The following GOLT1B variants were observed in gnomAD, a reference collection of about 807,000 sequenced individuals.
The protein encoded by GOLT1B is golgi transport 1B.
In GOLT1B, 3 loss-of-function variants were observed where a neutral mutation model predicts 15.4. The ratio of observed to expected loss-of-function variants is 0.19; its 90% CI spans 0.09 to 0.50. The LOEUF (loss-of-function observed/expected upper bound fraction) is 0.50, where lower values mean the gene tolerates loss of function less well. GOLT1B is among the 20% of genes least tolerant of loss of function. The probability of loss-of-function intolerance (pLI) is 0.97; values close to 1 mark genes in which losing one functional copy is unlikely to be tolerated. For synonymous variants in GOLT1B, 65 were observed against 56.2 expected, an observed-to-expected ratio of 1.16 and a Z score of -0.70; for missense variants, 145 against 160.4, an observed-to-expected ratio of 0.90 and a Z score of 0.52.
At position 21,516,207 on chromosome 12, in the gene GOLT1B, T is replaced by G. The variant is rs1468361642; in HGVS notation, c.*500T>G. ...ATTAAAACCAAGGAAACCCCAATTT[T>G]GATGTATGGATTACTTTTTTTTGTA... On this transcript the variant is annotated 3_prime_UTR_variant, in exon 5 of 5. Coordinates refer to ENST00000229314, the MANE Select transcript of GOLT1B (RefSeq NM_016072.5). 2 of 152,320 alleles carry G rather than the reference T, an allele frequency of 1.3e-5. No individual in the cohort carries two copies. Among genetic ancestry groups the G allele is most frequent in the East Asian group, 1.9e-4 (1 of 5,192 alleles). 9.4% of individuals were successfully genotyped at this position (152,320 alleles called of 1,614,324 possible). A position where few individuals can be genotyped will look rare whatever the true frequency, so the allele number is the denominator to read the frequency against.
chr12:21,505,232 A>T (rs986627041), intron 1 of GOLT1B, among the ~76,000 whole-genome samples: 2 of 152,156 alleles, frequency 1.3e-5, no homozygotes, highest in Non-Finnish European at 2.9e-5. Flanking sequence ...CTTCCTTTCT[A>T]AAAACATCTC....
intron 1 of GOLT1B, among the ~76,000 whole-genome samples, chr12:21,503,550 G>A (rs1217524532): frequency 6.6e-6 from 1 of 152,164 alleles, no homozygotes; most frequent in Non-Finnish European, 1.5e-5. Flanking sequence ...TTTGGACTAT[G>A]GGCATTCTCC....
At chr12:21,509,772 A>T (rs1351558931) in intron 3 of GOLT1B, among the ~76,000 whole-genome samples, 1 of 152,248 alleles carries the variant, frequency 6.6e-6, no homozygotes, top group Admixed American at 6.5e-5. Context: ...AACGACAGTT[A>T]ACAGAAGGAA....
At chr12:21,515,158 G>T in intron 4 of GOLT1B, 1 of 709,542 alleles carries the variant, frequency 1.4e-6, no homozygotes, top group Non-Finnish European at 2.4e-6. Context: ...CCAAAGTCCA[G>T]AATACACATT....
chr12:21,510,375 A>G (rs1021296996), intron 3 of GOLT1B, among the ~76,000 whole-genome samples: 1 of 152,204 alleles, frequency 6.6e-6, no homozygotes. Flanking sequence ...TGGCTTTCCC[A>G]GTTATGTGGG....
At chr12:21,509,952 C>T (rs1943708111) in intron 3 of GOLT1B, among the ~76,000 whole-genome samples, 1 of 152,132 alleles carries the variant, frequency 6.6e-6, no homozygotes, top group Non-Finnish European at 1.5e-5. Flanking sequence ...ATACCTTATC[C>T]TGTAACCAAA....
chr12:21,512,584 T>C (rs1943727914), intron 4 of GOLT1B, among the ~76,000 whole-genome samples: 2 of 152,222 alleles, frequency 1.3e-5, no homozygotes, highest in South Asian at 4.1e-4. Flanking sequence ...TATCCATTTC[T>C]GGATCCATAT....
chr12:21,510,074 A>G (rs1398843355), intron 3 of GOLT1B, among the ~76,000 whole-genome samples: 1 of 152,232 alleles, frequency 6.6e-6, no homozygotes, highest in East Asian at 1.9e-4. Flanking sequence ...TTCTGATATC[A>G]GGATAAAGTA....
At chr12:21,503,442 CTTTA>C (rs1289535886) in intron 1 of GOLT1B, among the ~76,000 whole-genome samples, 6 of 152,128 alleles carry the variant, frequency 3.9e-5, no homozygotes, top group African/African-American at 1.4e-4. Context: ...TTGATATAAA[CTTTA>C]TTTGAGATCT....
intron 3 of GOLT1B, among the ~76,000 whole-genome samples, chr12:21,510,765 A>T (rs1943713714): frequency 6.6e-6 from 1 of 152,230 alleles, no homozygotes; most frequent in Non-Finnish European, 1.5e-5. Context: ...ATACTTGTCT[A>T]ATTTAAAAAT....
At chr12:21,507,505 A>G (rs947764237) in intron 2 of GOLT1B, among the ~76,000 whole-genome samples, 1 of 119,048 alleles carries the variant, frequency 8.4e-6, no homozygotes, top group African/African-American at 3.2e-5. Flanking sequence ...AAGGTAGTGA[A>G]GACACTGTAT....
intron 4 of GOLT1B, chr12:21,515,334 TGTTTTTA>T: frequency 1.3e-6 from 1 of 782,248 alleles, no homozygotes; most frequent in Non-Finnish European, 2.1e-6. Context: ...GTTTTTTTTA[TGTTTTTA>T]TTTTTTATTT....
At chr12:21,503,027 C>G (rs1441404743) in intron 1 of GOLT1B, among the ~76,000 whole-genome samples, 1 of 152,226 alleles carries the variant, frequency 6.6e-6, no homozygotes, top group Admixed American at 6.5e-5. Flanking sequence ...CACACTGCCA[C>G]CCCCCAATCA....
At chr12:21,515,587 A>T (rs1186733668) in intron 4 of GOLT1B, 82 bp from the exon 5 acceptor site, 16 of 777,456 alleles carry the variant, frequency 2.1e-5, no homozygotes, top group East Asian at 2.0e-4. Flanking sequence ...CTGGGTTTTT[A>T]AAATCAACAT....
chr12:21,505,335 T>C (rs922073135), intron 1 of GOLT1B, among the ~76,000 whole-genome samples: 1 of 152,226 alleles, frequency 6.6e-6, no homozygotes, highest in African/African-American at 2.4e-5. Context: ...TCCTAACTAC[T>C]AAATAGTTAT....
intron 4 of GOLT1B, chr12:21,515,269 T>TGG: frequency 7.0e-7 from 1 of 1,434,736 alleles, no homozygotes; most frequent in Non-Finnish European, 9.5e-7. Context: ...TCCACAGTAA[T>TGG]GGTCAGTTGA....
intron 1 of GOLT1B, among the ~76,000 whole-genome samples, chr12:21,504,288 A>G (rs929149758): frequency 6.6e-6 from 1 of 152,188 alleles, no homozygotes; most frequent in East Asian, 1.9e-4. Context: ...AGGCAGCTCT[A>G]TGCAAGGCTT....
At chr12:21,512,874 G>A (rs568046354) in intron 4 of GOLT1B, among the ~76,000 whole-genome samples, 46 of 152,096 alleles carry the variant, frequency 3.0e-4, no homozygotes, top group African/African-American at 1.1e-3. Context: ...AGACCAGCCT[G>A]GGCAACATGG....
At chr12:21,513,286 C>G (rs1943733174) in intron 4 of GOLT1B, among the ~76,000 whole-genome samples, 1 of 152,016 alleles carries the variant, frequency 6.6e-6, no homozygotes, top group Admixed American at 6.6e-5. Flanking sequence ...GAGTTTCTTC[C>G]TTTTATTCAA....
Sources: allele counts gnomAD v4.1 joint callset (sites outside exome capture counted in the v4.1 genomes callset), GRCh38; gene constraint gnomAD v4.1.1; transcripts MANE v1.5; gene names NCBI Gene and HGNC (gene_info 2026-07-23, HGNC 2026-07-21).